Variants in SRPK2 observed in about 807,000 individuals in gnomAD.
SRPK2 encodes the protein SRSF protein kinase 2, also known as SFRS protein kinase 2.
SRPK2 carries 21 observed loss-of-function variants against 90.8 expected under a neutral mutation model. The observed-to-expected ratio is 0.23, with a 90% CI of 0.16 to 0.33. The LOEUF is 0.33. Ranked by LOEUF, SRPK2 falls within the 10% of genes least tolerant of loss-of-function variation. The pLI is 1.00. For synonymous variants in SRPK2, 288 were observed against 311.1 expected (o/e 0.93, Z 0.78); for missense variants, 620 against 869.0 (o/e 0.71, Z 3.60).
At position 105,128,165 on chromosome 7, in the gene SRPK2, C is replaced by CT. The variant is rs146231161; in HGVS notation, c.1753-1104dup. On this transcript the variant is annotated intron_variant, in intron 13 of 15. Transcript: ENST00000393651. ...TCAGCCCAGGACCACATCTTTTCAC[C>CT]TTTTTTAAAAAAAAAGACTGCCTGT... 3.8e-3 allele frequency among the ~76,000 whole-genome samples: 578 copies of CT among 152,122 alleles called. 15 individuals are homozygous for CT. In the East Asian group the frequency reaches 0.062, roughly 16 times the overall value.
chr7:105,347,709 T>A (rs535578735), intron 2 of SRPK2, among the ~76,000 whole-genome samples: 1 of 151,854 alleles, frequency 6.6e-6, no homozygotes, highest in African/African-American at 2.4e-5. Flanking sequence ...TTTTAAAAAT[T>A]AGCCAGGCAT....
At chr7:105,125,880 T>A in intron 15 of SRPK2, 2 of 1,281,664 alleles carry the variant, frequency 1.6e-6, no homozygotes, top group South Asian at 1.3e-5. Flanking sequence ...GTGATCTGCA[T>A]TGGGAAACAT....
At chr7:105,125,195 T>C (rs796116493) in intron 15 of SRPK2, among the ~76,000 whole-genome samples, 8 of 150,724 alleles carry the variant, frequency 5.3e-5, no homozygotes, top group African/African-American at 2.0e-4. Flanking sequence ...CTCCTAGGGC[T>C]CTTGGGTGTT....
intron 2 of SRPK2, among the ~76,000 whole-genome samples, chr7:105,212,606 C>T (rs1314046785): frequency 6.6e-6 from 1 of 152,160 alleles, no homozygotes; most frequent in African/African-American, 2.4e-5. Flanking sequence ...TGGGCTCTAT[C>T]CCTGAGGCAA....
intron 1 of SRPK2, among the ~76,000 whole-genome samples, chr7:105,395,090 T>C (rs992379415): frequency 4.6e-5 from 7 of 152,106 alleles, no homozygotes; most frequent in African/African-American, 1.7e-4. Flanking sequence ...GGAGAATCAC[T>C]TGAACCTAGG....
At chr7:105,346,856 T>C (rs1403145591) in intron 2 of SRPK2, among the ~76,000 whole-genome samples, 2 of 83,128 alleles carry the variant, frequency 2.4e-5, no homozygotes, top group Admixed American at 2.7e-4. Flanking sequence ...TTCTCATTTG[T>C]TAAAAAAAAA....
At chr7:105,365,879 C>A in intron 2 of SRPK2, among the ~76,000 whole-genome samples, 1 of 150,298 alleles carries the variant, frequency 6.7e-6, no homozygotes, top group East Asian at 1.9e-4. Context: ...TTTTTTTAGA[C>A]GGAGTCTCGC....
At chr7:105,153,361 A>G (rs1806014887) in intron 7 of SRPK2, among the ~76,000 whole-genome samples, 1 of 152,168 alleles carries the variant, frequency 6.6e-6, no homozygotes, top group South Asian at 2.1e-4. Flanking sequence ...CATCTTCAAA[A>G]TAAGGGGCTT....
chr7:105,145,453 C>G, intron 8 of SRPK2, 145 bp from the exon 9 acceptor site: 1 of 529,686 alleles, frequency 1.9e-6, no homozygotes, highest in Non-Finnish European at 3.2e-6. Context: ...TTCTTAATCA[C>G]AAGGATCTAG....
At position 105,247,531 on chromosome 7, in the gene SRPK2, A is replaced by AACACACACACACACACACACAC. The variant is rs59040708; in HGVS notation, c.72-43768_72-43747dup. On this transcript the variant is annotated intron_variant, in intron 2 of 15. Coordinates refer to ENST00000393651, the MANE Select transcript of SRPK2 (RefSeq NM_182692.3). Reference sequence around the variant, plus strand: ...ATACCAAAAAACACACACACACATAAACACACACACACACACACACACACA... The same window carrying AACACACACACACACACACACAC: ...ATACCAAAAAACACACACACACATAAACACACACACACACACACACACACACACACACACACACACACACACA... 8.4e-3 allele frequency among the ~76,000 whole-genome samples: 1,222 copies of AACACACACACACACACACACAC among 145,214 alleles called. 11 individuals carry two copies. The highest frequency in any genetic ancestry group is 0.011 in the Non-Finnish European group (760 of 66,422).
Position 105,117,761 on chromosome 7 carries a change from A to G in SRPK2, c.*77T>C. ...AAGCCAGCTCACTTGTAATCCTGTT[A>G]AAGAATGAGAGTCACCGTTTAGGTC... On this transcript the variant is annotated 3_prime_UTR_variant, in exon 16 of 16. Transcript: ENST00000393651. 2 of 1,479,152 alleles carry G rather than the reference A, an allele frequency of 1.4e-6. No homozygotes were observed. Among genetic ancestry groups the G allele is most frequent in the East Asian group, 2.3e-5 (1 of 43,048 alleles). 91.6% of individuals were successfully genotyped at this position (1,479,152 alleles called of 1,614,324 possible).
rs551944067 is a variant in SRPK2 at position 105,123,602 on chromosome 7, A to G, written c.1915+2646T>C. 1.2e-3 allele frequency among the ~76,000 whole-genome samples: 185 copies of G among 152,242 alleles called. 1 individual carries two copies. The highest frequency in any genetic ancestry group is 2.1e-3 in the Non-Finnish European group (140 of 68,002). On this transcript the variant is annotated intron_variant, in intron 15 of 15. Transcript: ENST00000393651. Reference sequence around the variant, plus strand: ...TTATGGAAATTATGGAATTTCCCCTATATTACTTATGGGAACATGCCAAAA... The same window carrying G: ...TTATGGAAATTATGGAATTTCCCCTGTATTACTTATGGGAACATGCCAAAA...
intron 2 of SRPK2, among the ~76,000 whole-genome samples, chr7:105,271,280 A>G (rs1380298297): frequency 2.0e-5 from 3 of 152,246 alleles, no homozygotes; most frequent in Admixed American, 6.5e-5. Flanking sequence ...CCTATCTTGT[A>G]AACACTGGAA....
rs914478307 is a variant in SRPK2 at position 105,350,843 on chromosome 7, A to G, written c.71+37805T>C. Among the ~76,000 whole-genome samples, 3 of 152,176 alleles carry G rather than the reference A, an allele frequency of 2.0e-5. No individual in the cohort carries two copies. The East Asian group carries it at 5.8e-4, about 29-fold the overall frequency. On this transcript the variant is annotated intron_variant, in intron 2 of 15. Coordinates refer to ENST00000393651, the MANE Select transcript of SRPK2 (RefSeq NM_182692.3). Reference sequence around the variant, plus strand: ...ACTGAGGCACACAGATAGCTTAAACATGTTCAGATTACATGGCTATTAAGC... The same window carrying G: ...ACTGAGGCACACAGATAGCTTAAACGTGTTCAGATTACATGGCTATTAAGC...
In SRPK2 at chr7:105,395,923, T is replaced by G. The variant is rs367719878; in HGVS notation, n.153+3233A>C. On this transcript the variant is annotated intron_variant and non_coding_transcript_variant, in intron 1 of 3. Coordinates refer to the SRPK2 transcript ENST00000462282. ...GTTTTTTAAAATTATTTTTATTTAT[T>G]TATTTTTTTGAGACACAGTTTCACT... Among the ~76,000 whole-genome samples the G allele has an allele frequency of 4.6e-5, 7 of 152,172 alleles. No homozygotes were observed. The East Asian group carries it at 7.7e-4, about 17-fold the overall frequency.
intron 8 of SRPK2, 38 bp downstream of exon 8, chr7:105,146,455 G>A: frequency 6.2e-7 from 1 of 1,602,160 alleles, no homozygotes; most frequent in Non-Finnish European, 8.5e-7. Context: ...AGCTCCCAAT[G>A]CCCCCACACT....
chr7:105,240,196 C>T (rs1253391976), intron 2 of SRPK2, among the ~76,000 whole-genome samples: 2 of 152,152 alleles, frequency 1.3e-5, no homozygotes, highest in African/African-American at 2.4e-5. Flanking sequence ...GCTGTGTCCT[C>T]ATGGTGGAAG....
At chr7:105,165,961 C>T (rs147232795) in intron 6 of SRPK2, among the ~76,000 whole-genome samples, 3,002 of 152,186 alleles carry the variant, frequency 0.02, 111 homozygotes, top group African/African-American at 0.069. Flanking sequence ...ACTCTGGATG[C>T]GCCACCTTTA....
intron 3 of SRPK2, among the ~76,000 whole-genome samples, chr7:105,185,567 C>T (rs1017014639): frequency 6.6e-6 from 1 of 151,948 alleles, no homozygotes; most frequent in African/African-American, 2.4e-5. Flanking sequence ...AATAATAATA[C>T]ACTGTAAATA....
Sources: gnomAD v4.1 joint callset for allele counts (sites outside exome capture counted in the v4.1 genomes callset) on GRCh38, gnomAD v4.1.1 for gene constraint, MANE v1.5 for transcripts, NCBI Gene and HGNC (gene_info 2026-07-23, HGNC 2026-07-21) for gene names.